PTPRD: variants seen among roughly 807,000 people sequenced by gnomAD.
PTPRD encodes the protein receptor-type tyrosine-protein phosphatase delta.
PTPRD carries 34 observed loss-of-function variants against 214.5 expected under a neutral mutation model. That is an observed-to-expected ratio of 0.16 (90% CI 0.12 to 0.21). The LOEUF is 0.21. Among genes scored for constraint, PTPRD ranks in the 10% least tolerant of loss-of-function variants. The probability of loss-of-function intolerance (pLI) is 1.00; values close to 1 mark genes in which losing one functional copy is unlikely to be tolerated. For missense variants in PTPRD, 2,545 were observed against 2,398.7 expected (o/e 1.06, Z -1.27); for synonymous variants, 1,128 against 845.7 (o/e 1.33, Z -5.79).
rs10958854 is a variant in PTPRD at position 10,060,869 on chromosome 9, T to C, written c.-544-27079A>G. Among the ~76,000 whole-genome samples the C allele has an allele frequency of 7.2e-3, 599 of 83,336 alleles. 35 individuals carry two copies. Among genetic ancestry groups the C allele is most frequent in the African/African-American group, 0.036 (249 of 6,984 alleles). 54.7% of individuals were successfully genotyped at this position (83,336 alleles called of 152,430 possible). A position where few individuals can be genotyped will look rare whatever the true frequency, so the allele number is the denominator to read the frequency against. ...CTTTCCTTTCTTTCTTCCTTCCTTC[T>C]TTCCTTCCTTCCTTCCTTCCTTCCT... On this transcript the variant is annotated intron_variant, in intron 3 of 45. Transcript: ENST00000381196.
intron 4 of PTPRD, among the ~76,000 whole-genome samples, chr9:9,941,634 T>C (rs77478433): frequency 0.029 from 4,487 of 152,198 alleles, 226 homozygotes; most frequent in African/African-American, 0.099. Flanking sequence ...AATGTGTATA[T>C]CTATAATAAA....
intron 11 of PTPRD, among the ~76,000 whole-genome samples, chr9:8,767,157 G>A (rs938123249): frequency 2.6e-5 from 4 of 151,586 alleles, no homozygotes; most frequent in Non-Finnish European, 1.5e-5. Flanking sequence ...TGCTCTTGTT[G>A]CCCAGGCTGG....
chr9:8,400,022 A>C (rs2092104307), intron 36 of PTPRD, among the ~76,000 whole-genome samples: 1 of 148,832 alleles, frequency 6.7e-6, no homozygotes, highest in Non-Finnish European at 1.5e-5. Flanking sequence ...TATCTATTAT[A>C]ATGTCTTGTC....
intron 5 of PTPRD, among the ~76,000 whole-genome samples, chr9:9,789,355 A>G (rs927118412): frequency 6.6e-6 from 1 of 152,202 alleles, no homozygotes; most frequent in Non-Finnish European, 1.5e-5. Context: ...AGTGCACTGG[A>G]TGTCACATAA....
chr9:9,944,353 A>G (rs368919075), intron 4 of PTPRD, among the ~76,000 whole-genome samples: 2 of 152,272 alleles, frequency 1.3e-5, no homozygotes, highest in East Asian at 3.9e-4. Flanking sequence ...CATTATTTCC[A>G]TAAACATTTT....
At position 10,568,740 on chromosome 9, in the gene PTPRD, T is replaced by A. The variant is rs576972365; in HGVS notation, c.-600+43658A>T. Among the ~76,000 whole-genome samples the A allele has an allele frequency of 2.6e-5, 4 of 152,196 alleles. No homozygotes were observed. The East Asian group carries it at 5.8e-4, about 22-fold the overall frequency. On this transcript the variant is annotated intron_variant, in intron 2 of 45. Coordinates refer to ENST00000381196, the MANE Select transcript of PTPRD (RefSeq NM_002839.4). ...CCATATGTAGAAAGCTAAAACTGGA[T>A]CCCTTCCTTACACTTTATACAAAAA...
intron 3 of PTPRD, among the ~76,000 whole-genome samples, chr9:10,279,800 G>T (rs1011463567): frequency 7.2e-5 from 11 of 152,080 alleles, no homozygotes; most frequent in African/African-American, 2.7e-4. Context: ...GTCACTAAGT[G>T]TGGGTAATCT....
At chr9:9,673,826 G>C (rs1004839483) in intron 7 of PTPRD, among the ~76,000 whole-genome samples, 1 of 151,370 alleles carries the variant, frequency 6.6e-6, no homozygotes, top group Non-Finnish European at 1.5e-5. Context: ...AAAAATGAGT[G>C]GGCTGACAGC....
At chr9:9,692,318 G>A (rs1186910308) in intron 7 of PTPRD, among the ~76,000 whole-genome samples, 1 of 151,960 alleles carries the variant, frequency 6.6e-6, no homozygotes, top group African/African-American at 2.4e-5. Flanking sequence ...GCAAGAGGTA[G>A]GGATAAAGTT....
chr9:8,662,933 T>C (rs1369910867), intron 12 of PTPRD, among the ~76,000 whole-genome samples: 1 of 152,096 alleles, frequency 6.6e-6, no homozygotes, highest in Non-Finnish European at 1.5e-5. Context: ...TTATCTAAAG[T>C]CAGTAGAGAC....
At chr9:10,604,666 G>A (rs939462015) in intron 2 of PTPRD, among the ~76,000 whole-genome samples, 1 of 151,682 alleles carries the variant, frequency 6.6e-6, no homozygotes, top group Non-Finnish European at 1.5e-5. Flanking sequence ...TAGCACATAT[G>A]ACACACAATA....
intron 6 of PTPRD, among the ~76,000 whole-genome samples, chr9:9,760,651 CACATATAT>C (rs1377384131): frequency 7.0e-5 from 5 of 71,584 alleles, no homozygotes; most frequent in East Asian, 3.6e-4. Context: ...CACACACACA[CACATATAT>C]ATATATATTC....
chr9:10,182,034 T>TCAC (rs2099295190), intron 3 of PTPRD, among the ~76,000 whole-genome samples: 1 of 137,806 alleles, frequency 7.3e-6, no homozygotes, highest in Admixed American at 7.5e-5. Flanking sequence ...GGCAGGCAGA[T>TCAC]CACAAGGTCA....
intron 3 of PTPRD, among the ~76,000 whole-genome samples, chr9:10,170,676 G>C (rs779521306): frequency 6.6e-6 from 1 of 152,164 alleles, no homozygotes; most frequent in Non-Finnish European, 1.5e-5. Context: ...GACAGAGCAA[G>C]ACTCCGTCTC....
chr9:9,159,981 T>G (rs1004432287), intron 10 of PTPRD, among the ~76,000 whole-genome samples: 1 of 152,182 alleles, frequency 6.6e-6, no homozygotes, highest in African/African-American at 2.4e-5. Context: ...TCAGTGGTGT[T>G]GGAAAACTGG....
chr9:9,590,500 T>C (rs2092613955), intron 7 of PTPRD, among the ~76,000 whole-genome samples: 1 of 152,084 alleles, frequency 6.6e-6, no homozygotes, highest in Non-Finnish European at 1.5e-5. Flanking sequence ...ATTATCTGTA[T>C]TCTTATTTCT....
chr9:10,029,929 G>C (rs1242260809), intron 4 of PTPRD, among the ~76,000 whole-genome samples: 1 of 152,142 alleles, frequency 6.6e-6, no homozygotes, highest in Non-Finnish European at 1.5e-5. Context: ...GAGGGACCAG[G>C]TGGGAGGTAA....
intron 3 of PTPRD, among the ~76,000 whole-genome samples, chr9:10,052,295 T>C (rs564726189): frequency 2.6e-5 from 4 of 152,072 alleles, no homozygotes; most frequent in African/African-American, 9.7e-5. Flanking sequence ...AAGGAAACTT[T>C]CTCTAAGGAT....
rs373392165 is a variant in PTPRD at position 8,329,875 on chromosome 9, G to C, written c.5534+1707C>G. 1.7e-3 allele frequency among the ~76,000 whole-genome samples: 253 copies of C among 150,746 alleles called. 1 individual carries two copies. Among genetic ancestry groups the C allele is most frequent in the African/African-American group, 5.9e-3 (241 of 40,990 alleles). On this transcript the variant is annotated intron_variant, in intron 44 of 45. Transcript: ENST00000381196. Reference sequence around the variant, plus strand: ...AGATGCCTCTCCCCTCACGAAGCTCGAATGGCCCAGGTGGACCTCAGACAG... The same window carrying C: ...AGATGCCTCTCCCCTCACGAAGCTCCAATGGCCCAGGTGGACCTCAGACAG...
Sources: allele counts gnomAD v4.1 joint callset (sites outside exome capture counted in the v4.1 genomes callset), GRCh38; gene constraint gnomAD v4.1.1; transcripts MANE v1.5; gene names NCBI Gene and HGNC (gene_info 2026-07-23, HGNC 2026-07-21).